FBXO34: variants seen among roughly 807,000 people sequenced by gnomAD.
FBXO34 encodes F-box only protein 34.
In FBXO34, 12 loss-of-function variants were observed where a neutral mutation model predicts 24.5. The ratio of observed to expected loss-of-function variants is 0.49; its 90% CI spans 0.31 to 0.79. FBXO34 has a LOEUF of 0.79. Among genes scored for constraint, FBXO34 ranks in the 30% least tolerant of loss-of-function variants. The pLI is 0.04. For missense variants in FBXO34, 823 were observed against 857.7 expected (o/e 0.96, Z 0.51); for synonymous variants, 320 against 311.9 (o/e 1.03, Z -0.27).
the FBXO34 span, among the ~76,000 whole-genome samples, chr14:55,412,468 C>T: frequency 1.3e-5 from 2 of 152,128 alleles, no homozygotes; most frequent in East Asian, 1.9e-4. Flanking sequence ...AAGTTAATCA[C>T]GTGGCTAACG....
chr14:55,410,324 A>G, the FBXO34 span, among the ~76,000 whole-genome samples: 1 of 152,228 alleles, frequency 6.6e-6, no homozygotes, highest in Non-Finnish European at 1.5e-5. Context: ...AATTATGTGA[A>G]TAGACATAGT....
the FBXO34 span, among the ~76,000 whole-genome samples, chr14:55,439,532 G>T: frequency 6.8e-3 from 1,013 of 148,162 alleles, 14 homozygotes; most frequent in African/African-American, 0.024. Context: ...GCTCACGCCT[G>T]AAATCCCAGC....
chr14:55,425,836 T>C, the FBXO34 span, among the ~76,000 whole-genome samples: 9 of 152,250 alleles, frequency 5.9e-5, no homozygotes, highest in African/African-American at 2.2e-4. Flanking sequence ...CCATCTTTTC[T>C]TTTAGACAGT....
the FBXO34 span, among the ~76,000 whole-genome samples, chr14:55,430,491 T>G: frequency 6.6e-6 from 1 of 151,188 alleles, no homozygotes; most frequent in African/African-American, 2.4e-5. Context: ...ACTGCAGCCT[T>G]GAACTTCTGG....
chr14:55,304,069 CAT>C (rs372848288), intron 1 of FBXO34, among the ~76,000 whole-genome samples: 64 of 152,294 alleles, frequency 4.2e-4, no homozygotes, highest in African/African-American at 1.3e-3. Flanking sequence ...GTTACAGTGA[CAT>C]GTGTGCGGTT....
chr14:55,356,618 A>ATTTTTTTT (rs138774325), downstream of FBXO34, among the ~76,000 whole-genome samples: 1 of 148,002 alleles, frequency 6.8e-6, no homozygotes, highest in Non-Finnish European at 1.5e-5. Context: ...GGCCCAGCTG[A>ATTTTTTTT]TTTTTTTATT....
rs371355076 is a variant in FBXO34 at position 55,342,305 on chromosome 14, A to G, written c.-10-8076A>G. Among the ~76,000 whole-genome samples, 49 of 152,282 alleles carry G rather than the reference A, an allele frequency of 3.2e-4. 1 individual carries two copies. Among genetic ancestry groups the G allele is most frequent in the African/African-American group, 1.2e-3 (49 of 41,554 alleles). ...AACCATACATGTGTTTCCAAAGGCCATTCTATTACTCAGTATCCATTAACA... is the reference window on the plus strand; with the variant it reads ...AACCATACATGTGTTTCCAAAGGCCGTTCTATTACTCAGTATCCATTAACA... On this transcript the variant is annotated intron_variant, in intron 1 of 1. Transcript: ENST00000313833.
chr14:55,313,766 A>G (rs1882830826), intron 1 of FBXO34, among the ~76,000 whole-genome samples: 1 of 152,196 alleles, frequency 6.6e-6, no homozygotes, highest in South Asian at 2.1e-4. Flanking sequence ...TGTCATGAGA[A>G]CAGCATGGGG....
intron 1 of FBXO34, among the ~76,000 whole-genome samples, chr14:55,289,173 C>T (rs536311841): frequency 1.3e-5 from 2 of 152,176 alleles, no homozygotes; most frequent in East Asian, 3.9e-4. Context: ...TCTTAGCCTT[C>T]TCTTTTTTCC....
chr14:55,306,929 A>G (rs1882568668), intron 1 of FBXO34, among the ~76,000 whole-genome samples: 1 of 152,224 alleles, frequency 6.6e-6, no homozygotes, highest in Non-Finnish European at 1.5e-5. Flanking sequence ...AAAAATTTTT[A>G]TTGTGTAAAG....
At chr14:55,302,384 A>G (rs1032720180) in intron 1 of FBXO34, among the ~76,000 whole-genome samples, 2 of 151,704 alleles carry the variant, frequency 1.3e-5, no homozygotes, top group African/African-American at 4.8e-5. Flanking sequence ...GTATGATGTT[A>G]GACAGTTAAT....
At chr14:55,307,028 A>G (rs1882573670) in intron 1 of FBXO34, among the ~76,000 whole-genome samples, 1 of 152,190 alleles carries the variant, frequency 6.6e-6, no homozygotes, top group Non-Finnish European at 1.5e-5. Flanking sequence ...GTATCCACCC[A>G]TTTCATTTGG....
the FBXO34 span, among the ~76,000 whole-genome samples, chr14:55,408,922 C>T: frequency 6.6e-6 from 1 of 152,092 alleles, no homozygotes; most frequent in African/African-American, 2.4e-5. Flanking sequence ...GCTTCGTATG[C>T]CATAGTAAGG....
At chr14:55,420,107 G>C in the FBXO34 span, among the ~76,000 whole-genome samples, 1 of 152,136 alleles carries the variant, frequency 6.6e-6, no homozygotes, top group Non-Finnish European at 1.5e-5. Flanking sequence ...CTCTTGCTCT[G>C]TTACCCAGGC....
At chr14:55,356,626 A>AT (rs771097986), downstream of FBXO34, among the ~76,000 whole-genome samples, 11 of 150,548 alleles carry the variant, frequency 7.3e-5, no homozygotes, top group Admixed American at 2.6e-4. Flanking sequence ...TGATTTTTTT[A>AT]TTTTTTTATT....
At chr14:55,333,243 C>T (rs879291374) in intron 1 of FBXO34, among the ~76,000 whole-genome samples, 2 of 152,286 alleles carry the variant, frequency 1.3e-5, no homozygotes, top group East Asian at 3.9e-4. Flanking sequence ...TGAGAATAAG[C>T]TTACTCTCAG....
the FBXO34 span, among the ~76,000 whole-genome samples, chr14:55,386,753 C>G: frequency 1.3e-5 from 2 of 152,172 alleles, no homozygotes; most frequent in African/African-American, 4.8e-5. Flanking sequence ...AGATTTAGGT[C>G]CTTTTTGTGG....
At chr14:55,281,697 G>T (rs1278837210) in intron 1 of FBXO34, among the ~76,000 whole-genome samples, 1 of 152,128 alleles carries the variant, frequency 6.6e-6, no homozygotes, top group East Asian at 1.9e-4. Flanking sequence ...CAATCCCTCT[G>T]TAACATCCTT....
rs778604168 is a variant in FBXO34 at position 55,350,580 on chromosome 14, A to G, written c.190A>G (p.Ile64Val). 4.3e-6 allele frequency: 7 copies of G among 1,612,536 alleles called. No homozygotes were observed. The highest frequency in any genetic ancestry group is 2.2e-5 in the East Asian group (1 of 44,882). The change falls in exon 2 of 2, where the codon ATC becomes GTC. Residue 64 changes from isoleucine (I) to valine (V), a missense_variant. Transcript: ENST00000313833. ...AGCATCATCTCGAAAGCCATTTGGG[A>G]TCCTTTCTCCAAATGTTCTGTGCAG... Reference protein sequence around the residue: ...GKASSRKPFGILSPNVLCSMS... With the variant: ...GKASSRKPFGVLSPNVLCSMS...
Sources: gnomAD v4.1 joint callset for allele counts (sites outside exome capture counted in the v4.1 genomes callset) on GRCh38, gnomAD v4.1.1 for gene constraint, MANE v1.5 for transcripts, NCBI Gene and HGNC (gene_info 2026-07-23, HGNC 2026-07-21) for gene names.